The following STARD8 variants were observed in gnomAD, a reference collection of about 807,000 sequenced individuals.
The protein encoded by STARD8 is StAR related lipid transfer domain containing 8.
In STARD8, 25 loss-of-function variants were observed where a neutral mutation model predicts 69.4. The observed-to-expected ratio is 0.36, with a 90% CI of 0.26 to 0.50. The LOEUF (loss-of-function observed/expected upper bound fraction) is 0.50. Among genes scored for constraint, STARD8 ranks in the 20% least tolerant of loss-of-function variants. STARD8 has a pLI of 0.96. For synonymous variants in STARD8, 389 were observed against 374.6 expected (o/e 1.04, Z -0.45); for missense variants, 921 against 932.5 (o/e 0.99, Z 0.16).
chrX:68,671,388 T>C (rs1373872552), intron 2 of STARD8, among the ~76,000 whole-genome samples: 2 of 112,662 alleles, frequency 1.8e-5, no homozygotes, highest in East Asian at 2.8e-4. Context: ...CTGTTCTGCA[T>C]TGGCCTCTTT....
At chrX:68,676,838 TA>T (rs1450626246) in intron 2 of STARD8, among the ~76,000 whole-genome samples, 1 of 111,968 alleles carries the variant, frequency 8.9e-6, no homozygotes, top group African/African-American at 3.3e-5. Context: ...AGAAATCTTC[TA>T]TTGCCAAAGC....
At chrX:68,708,809 G>A (rs763249518) in intron 2 of STARD8, among the ~76,000 whole-genome samples, 2 of 112,484 alleles carry the variant, frequency 1.8e-5, no homozygotes, top group Admixed American at 1.9e-4. Context: ...CTGCATATCT[G>A]GATACAGAGG....
chrX:68,662,812 C>CT (rs1469240554), intron 1 of STARD8, among the ~76,000 whole-genome samples: 2 of 111,841 alleles, frequency 1.8e-5, no homozygotes, highest in Non-Finnish European at 3.8e-5. Flanking sequence ...TTCCACAAGG[C>CT]TTTATACTTT....
rs1271267048 is a variant in STARD8 at position 68,717,199 on chromosome X, G to A, written c.298-13G>A. The A allele has an allele frequency of 8.5e-7, 1 of 1,177,641 alleles. No individual in the cohort carries two copies. Among genetic ancestry groups the A allele is most frequent in the Non-Finnish European group, 1.1e-6 (1 of 877,147 alleles). ...TGGGCTTCTCTGACCTGATCCTGCA[G>A]TGCCTTTCCCAGAATGAAGACTCAG... On this transcript the variant is annotated splice_polypyrimidine_tract_variant and intron_variant, in intron 5 of 14. Coordinates refer to ENST00000374599, the MANE Select transcript of STARD8 (RefSeq NM_001142503.3).
chrX:68,711,976 C>G (rs1030884470), intron 2 of STARD8, among the ~76,000 whole-genome samples: 4 of 112,964 alleles, frequency 3.5e-5, no homozygotes, highest in Admixed American at 9.3e-5. Context: ...AAGCAAATAA[C>G]CGCCCAGGCA....
chrX:68,707,482 T>C (rs1250094204), intron 2 of STARD8, among the ~76,000 whole-genome samples: 1 of 111,861 alleles, frequency 8.9e-6, no homozygotes, highest in African/African-American at 3.3e-5. Context: ...GTGGTCTTTA[T>C]CTCAGGCTGT....
intron 1 of STARD8, among the ~76,000 whole-genome samples, chrX:68,658,843 A>G (rs1281741814): frequency 8.9e-6 from 1 of 112,367 alleles, no homozygotes; most frequent in Non-Finnish European, 1.9e-5. Flanking sequence ...TGCTGCTGTC[A>G]GGGCCCTTAG....
At chrX:68,713,109 G>T in intron 3 of STARD8, 124 bp downstream of exon 3, 1 of 696,000 alleles carries the variant, frequency 1.4e-6, no homozygotes, top group Admixed American at 3.3e-5. Context: ...GCCCTGCTCC[G>T]ATTTTTTTCA....
intron 2 of STARD8, among the ~76,000 whole-genome samples, chrX:68,686,252 C>A (rs1266667788): frequency 9.4e-6 from 1 of 106,612 alleles, no homozygotes; most frequent in Non-Finnish European, 1.9e-5. Context: ...AAGGTGGGGG[C>A]GTGGAACTTT....
intron 2 of STARD8, chrX:68,693,890 C>G (rs2079897605): frequency 1.4e-6 from 1 of 697,163 alleles, no homozygotes; most frequent in Admixed American, 8.6e-5. Context: ...GCTCCCTCTC[C>G]CCGCTTTGCC....
chrX:68,674,086 G>C (rs1400162752), intron 2 of STARD8, among the ~76,000 whole-genome samples: 3 of 111,060 alleles, frequency 2.7e-5, no homozygotes, highest in Non-Finnish European at 5.7e-5. Context: ...CTGAAGTCAG[G>C]AGTTCGAGAC....
At position 68,723,670 on chromosome X, in the gene STARD8, G is replaced by A. The variant is rs762906492; in HGVS notation, c.2844G>A (p.Glu948=). The stretch of plus-strand genomic sequence containing the variant: ...TGCGGCTATGGAAGGCATCCACAGA[G>A]GTGGCAGCCCCCCCAGCTGTGGTGC... The part of the protein sequence containing the change: ...HPLRLWKAST[E]VAAPPAVVLH... Residue 948 remains glutamate (E), a synonymous_variant, in exon 13 of 15, where the codon GAG becomes GAA. Transcript: ENST00000374599. 52 of 1,198,740 alleles carry A rather than the reference G, an allele frequency of 4.3e-5. 1 individual carries two copies. In the South Asian group the frequency reaches 8.2e-4, roughly 19 times the overall value.
Position 68,724,326 on chromosome X carries a change from C to T in STARD8, c.3216C>T (p.Tyr1072=), listed in dbSNP as rs144070582. The part of the protein sequence containing the change: ...ADLRGRSPDW[Y]NKVFGHLCAM... ...CTAGGGGCCGTTCTCCTGACTGGTA[C>T]AACAAAGTCTTTGGACACCTGTGTG... is the stretch of plus-strand genomic sequence containing the variant. The change falls in exon 15 of 15, where the codon TAC becomes TAT. Residue 1072 remains tyrosine (Y), a synonymous_variant. Transcript: ENST00000374599. The T allele has an allele frequency of 4.7e-5, 57 of 1,208,876 alleles. No individual in the cohort carries two copies. Among genetic ancestry groups the T allele is most frequent in the Non-Finnish European group, 6.3e-5 (56 of 894,468 alleles).
intron 1 of STARD8, among the ~76,000 whole-genome samples, chrX:68,652,014 A>ATTT (rs376303482): frequency 6.5e-4 from 64 of 97,854 alleles, no homozygotes; most frequent in African/African-American, 2.0e-3. Flanking sequence ...CGCCCAGCTA[A>ATTT]TTTTTTTTTT....
intron 1 of STARD8, among the ~76,000 whole-genome samples, chrX:68,653,796 T>C (rs1298343562): frequency 4.0e-5 from 4 of 99,569 alleles, no homozygotes; most frequent in African/African-American, 1.5e-4. Flanking sequence ...ACACACCACA[T>C]ACACACACAC....
chrX:68,715,171 C>T (rs2080081957), intron 3 of STARD8, 123 bp from the exon 4 acceptor site: 4 of 574,222 alleles, frequency 7.0e-6, no homozygotes, highest in Admixed American at 7.5e-5. Context: ...TTTTTTCCTT[C>T]TGCTTTGCCT....
intron 1 of STARD8, among the ~76,000 whole-genome samples, chrX:68,664,088 G>A (rs1162491850): frequency 2.7e-5 from 3 of 111,855 alleles, no homozygotes; most frequent in Non-Finnish European, 3.8e-5. Flanking sequence ...TGTGCAGAGG[G>A]TAAGAGATAG....
At chrX:68,663,926 A>G (rs1321434150) in intron 1 of STARD8, among the ~76,000 whole-genome samples, 2 of 111,705 alleles carry the variant, frequency 1.8e-5, no homozygotes, top group African/African-American at 3.3e-5. Context: ...ACTCGGGAGG[A>G]CATCCCCCAT....
At chrX:68,717,117 C>T (rs1602608240) in intron 5 of STARD8, 95 bp from the exon 6 acceptor site, 2 of 1,077,978 alleles carry the variant, frequency 1.9e-6, no homozygotes, top group South Asian at 5.3e-5. Context: ...CCCTTCACCT[C>T]AGAGTCCCCC....
Sources: gnomAD v4.1 joint callset for allele counts (sites outside exome capture counted in the v4.1 genomes callset) on GRCh38, gnomAD v4.1.1 for gene constraint, MANE v1.5 for transcripts, NCBI Gene and HGNC (gene_info 2026-07-23, HGNC 2026-07-21) for gene names.